Variants in ANKRD28 observed in about 807,000 individuals in gnomAD.
The protein encoded by ANKRD28 is ankyrin repeat domain 28.
ANKRD28 carries 44 observed loss-of-function variants against 126.5 expected under a neutral mutation model. The observed-to-expected ratio is 0.35, with a 90% CI of 0.27 to 0.45. ANKRD28 has a LOEUF of 0.45. ANKRD28 is among the 20% of genes least tolerant of loss of function. ANKRD28 has a pLI of 1.00. For missense variants in ANKRD28, 1,110 were observed against 1,316.6 expected (o/e 0.84, Z 2.43); for synonymous variants, 442 against 468.5 (o/e 0.94, Z 0.73).
chr3:15,784,752 T>A (rs2059696805), intron 2 of ANKRD28, among the ~76,000 whole-genome samples: 1 of 152,062 alleles, frequency 6.6e-6, no homozygotes, highest in Non-Finnish European at 1.5e-5. Context: ...AAGTATATAT[T>A]GTCTGTAAAA....
chr3:15,813,258 C>G lies in ANKRD28; in HGVS notation c.28-17952G>C, dbSNP rs187715592. ...GCATGCACCTGTAGTCCCAGCTACT[C>G]GGGAGGCTGAGGTGGGATGATCGCT... is the stretch of plus-strand genomic sequence containing the variant. On this transcript the variant is annotated intron_variant, in intron 1 of 27. Coordinates refer to the ANKRD28 transcript ENST00000399451. 1.1e-4 allele frequency among the ~76,000 whole-genome samples: 16 copies of G among 151,808 alleles called. No homozygotes were observed. In the East Asian group the frequency reaches 2.1e-3, roughly 20 times the overall value.
rs1033083103 is a variant in ANKRD28 at position 15,838,897 on chromosome 3, G to C, written c.27+20480C>G. Among the ~76,000 whole-genome samples, 4 of 152,188 alleles carry C rather than the reference G, an allele frequency of 2.6e-5. No homozygotes were observed. In the East Asian group the frequency reaches 7.7e-4, roughly 29 times the overall value. On this transcript the variant is annotated intron_variant, in intron 1 of 27. Coordinates refer to the ANKRD28 transcript ENST00000399451. This position sits in a 1 kb window ranked among gnomAD's most constrained non-coding sequence, Gnocchi z 4.0. ...ACTTGTGAATGGATAAACAATATGT[G>C]ATATATCCATACAATGGAATACTAT... is the stretch of plus-strand genomic sequence containing the variant.
chr3:15,722,295 C>T (rs1190076879), intron 7 of ANKRD28, among the ~76,000 whole-genome samples: 2 of 152,138 alleles, frequency 1.3e-5, no homozygotes, highest in Non-Finnish European at 1.5e-5. Flanking sequence ...CAATAAAAAC[C>T]GAAAATGAAG....
At chr3:15,704,850 G>C (rs147697825) in intron 14 of ANKRD28, among the ~76,000 whole-genome samples, 8 of 152,190 alleles carry the variant, frequency 5.3e-5, no homozygotes, top group Non-Finnish European at 8.8e-5. Flanking sequence ...ACAAATCATT[G>C]AATCAATAAA....
intron 21 of ANKRD28, among the ~76,000 whole-genome samples, chr3:15,680,203 A>C (rs975646103): frequency 6.6e-6 from 1 of 151,958 alleles, no homozygotes; most frequent in Non-Finnish European, 1.5e-5. Flanking sequence ...AGCATATATG[A>C]AATATTATTA....
intron 14 of ANKRD28, among the ~76,000 whole-genome samples, chr3:15,701,227 C>A (rs1439761106): frequency 6.6e-6 from 1 of 152,152 alleles, no homozygotes; most frequent in Non-Finnish European, 1.5e-5. Context: ...TGCTTTAGAC[C>A]TCTTAGAAAT....
At chr3:15,852,597 G>A (rs1035854141) in intron 1 of ANKRD28, among the ~76,000 whole-genome samples, 1 of 152,066 alleles carries the variant, frequency 6.6e-6, no homozygotes, top group Non-Finnish European at 1.5e-5. Context: ...ACTTTGGGAG[G>A]CCGAGGCGGG....
At chr3:15,712,363 A>C (rs953583154) in intron 10 of ANKRD28, 141 bp from the exon 11 acceptor site, 2 of 707,050 alleles carry the variant, frequency 2.8e-6, no homozygotes, top group Non-Finnish European at 4.8e-6. Context: ...ATTTGGTTAA[A>C]GTTTGATGGT....
At chr3:15,728,789 A>G (rs982534850) in intron 6 of ANKRD28, among the ~76,000 whole-genome samples, 2 of 152,166 alleles carry the variant, frequency 1.3e-5, no homozygotes, top group African/African-American at 4.8e-5. Flanking sequence ...TGCAGCCAAA[A>G]AACTCTTTTT....
At chr3:15,736,787 A>T (rs1187000673) in intron 5 of ANKRD28, among the ~76,000 whole-genome samples, 2 of 152,230 alleles carry the variant, frequency 1.3e-5, no homozygotes, top group Admixed American at 6.5e-5. Flanking sequence ...ATAATAGAAC[A>T]TACTTTTCCT....
intron 1 of ANKRD28, among the ~76,000 whole-genome samples, chr3:15,858,240 A>G (rs1220128467): frequency 1.3e-5 from 2 of 152,228 alleles, no homozygotes; most frequent in African/African-American, 2.4e-5. Context: ...CAGTTGTATA[A>G]TTTGAAATAC....
Position 15,675,924 on chromosome 3 carries a change from G to C in ANKRD28, c.2939C>G (p.Ala980Gly). ...MVVQELLGKG[A>G]SVLAVDENGY... ...ATTTTCATCTACTGCAAGCACACTT[G>C]CTCCTTTTCCCAAAAGTTCCTGAAC... Residue 980 changes from alanine to glycine, a missense_variant, in exon 27 of 28, where the codon GCA (alanine) becomes GGA (glycine). Coordinates refer to ENST00000683139, the MANE Select transcript of ANKRD28 (RefSeq NM_001349278.2). 1 of 1,612,846 alleles carries C rather than the reference G, an allele frequency of 6.2e-7. No homozygotes were observed.
At chr3:15,700,781 C>T (rs1009606488) in intron 14 of ANKRD28, among the ~76,000 whole-genome samples, 2 of 151,874 alleles carry the variant, frequency 1.3e-5, no homozygotes, top group South Asian at 2.1e-4. Context: ...AGAAACACAA[C>T]AGTATATAGG....
At chr3:15,702,074 A>G (rs2070711876) in intron 14 of ANKRD28, among the ~76,000 whole-genome samples, 1 of 152,238 alleles carries the variant, frequency 6.6e-6, no homozygotes, top group South Asian at 2.1e-4. Flanking sequence ...TTTGCTAAAC[A>G]ATATAAATTT....
intron 3 of ANKRD28, among the ~76,000 whole-genome samples, chr3:15,754,809 A>T (rs137892196): frequency 7.9e-5 from 12 of 152,322 alleles, no homozygotes; most frequent in Admixed American, 2.0e-4. Flanking sequence ...GCAACTTTAT[A>T]TTATACCTTT....
intron 8 of ANKRD28, among the ~76,000 whole-genome samples, chr3:15,717,342 T>C (rs1398492636): frequency 6.6e-6 from 1 of 152,046 alleles, no homozygotes; most frequent in East Asian, 1.9e-4. Context: ...TACATACTGA[T>C]AATAAAACCT....
At chr3:15,740,298 A>C (rs67499941) in intron 4 of ANKRD28, among the ~76,000 whole-genome samples, 20,273 of 152,232 alleles carry the variant, frequency 0.13, 2,053 homozygotes, top group East Asian at 0.56. Context: ...ACTGGGATAA[A>C]GGTTACACAG....
upstream of ANKRD28, among the ~76,000 whole-genome samples, chr3:15,801,901 G>A (rs112508667): frequency 2.1e-3 from 320 of 152,268 alleles, 2 homozygotes; most frequent in Middle Eastern, 0.01. This position sits in a 1 kb window ranked among gnomAD's most constrained non-coding sequence, Gnocchi z 4.9. Flanking sequence ...ATCGTTTGAC[G>A]ATCTCAAGTG....
intron 27 of ANKRD28, among the ~76,000 whole-genome samples, chr3:15,674,153 CAG>C (rs1450986821): frequency 9.5e-6 from 1 of 105,494 alleles, no homozygotes; most frequent in Non-Finnish European, 1.7e-5. Flanking sequence ...GTCTGGGCAA[CAG>C]AGTGAGACCC....
Sources: gnomAD v4.1 joint callset for allele counts (sites outside exome capture counted in the v4.1 genomes callset) on GRCh38, gnomAD v4.1.1 for gene constraint, Gnocchi (gnomAD v3.1) non-coding constraint, MANE v1.5 for transcripts, NCBI Gene and HGNC (gene_info 2026-07-23, HGNC 2026-07-21) for gene names.